The following RSF1 variants were observed in gnomAD, a reference collection of about 807,000 sequenced individuals.
RSF1 encodes the protein HBV pX-associated protein 8.
A neutral mutation model predicts 145.2 loss-of-function variants in RSF1; 13 were observed. The ratio of observed to expected loss-of-function variants is 0.09; its 90% CI spans 0.06 to 0.14. The LOEUF (loss-of-function observed/expected upper bound fraction) is 0.14. RSF1 is among the 10% of genes least tolerant of loss of function. RSF1 has a pLI of 1.00. For missense variants in RSF1, 1,517 were observed against 1,718.2 expected (o/e 0.88, Z 2.07); for synonymous variants, 577 against 592.6 (o/e 0.97, Z 0.38).
At chr11:77,796,383 C>T (rs1202166600) in intron 1 of RSF1, among the ~76,000 whole-genome samples, 2 of 152,170 alleles carry the variant, frequency 1.3e-5, no homozygotes, top group African/African-American at 4.8e-5. Flanking sequence ...CGTAATTCAT[C>T]ACATAAACAG....
intron 4 of RSF1, among the ~76,000 whole-genome samples, chr11:77,732,662 CAGG>C (rs1370580133): frequency 6.6e-6 from 1 of 152,166 alleles, no homozygotes; most frequent in Non-Finnish European, 1.5e-5. Flanking sequence ...GTTTTAAAAA[CAGG>C]AGTTCCCTGC....
chr11:77,795,903 T>A (rs567221273), intron 1 of RSF1, among the ~76,000 whole-genome samples: 2 of 152,334 alleles, frequency 1.3e-5, no homozygotes, highest in African/African-American at 4.8e-5. Flanking sequence ...GAACTTGTTA[T>A]TGGTTTCCTC....
chr11:77,787,783 T>C (rs543436502), intron 1 of RSF1, among the ~76,000 whole-genome samples: 2 of 150,098 alleles, frequency 1.3e-5, no homozygotes, highest in South Asian at 2.1e-4. Flanking sequence ...ATTCAGAGTT[T>C]AGTATCTACT....
intron 2 of RSF1, among the ~76,000 whole-genome samples, chr11:77,749,320 T>TA (rs992026199): frequency 1.3e-5 from 2 of 151,940 alleles, no homozygotes; most frequent in East Asian, 1.9e-4. Context: ...ATCTCAAATT[T>TA]AAAAAAAAGA....
upstream of RSF1, among the ~76,000 whole-genome samples, chr11:77,822,670 G>A (rs1015338872): frequency 6.6e-6 from 1 of 152,134 alleles, no homozygotes; most frequent in South Asian, 2.1e-4. Flanking sequence ...ATTCTATATT[G>A]TAAGAAGAAT....
At chr11:77,709,650 C>T (rs1406212749) in intron 5 of RSF1, among the ~76,000 whole-genome samples, 1 of 152,058 alleles carries the variant, frequency 6.6e-6, no homozygotes, top group Non-Finnish European at 1.5e-5. Flanking sequence ...AAGCTGCCTG[C>T]ACCATTTTGC....
chr11:77,674,923 C>T (rs3781617), intron 14 of RSF1, 113 bp downstream of exon 14: 92,789 of 776,498 alleles, frequency 0.12, 6,193 homozygotes, highest in Admixed American at 0.21. Flanking sequence ...CGCTTGAACC[C>T]GGGACACAGA....
the RSF1 span, among the ~76,000 whole-genome samples, chr11:77,847,337 C>G: frequency 5.3e-5 from 8 of 152,196 alleles, no homozygotes; most frequent in African/African-American, 1.9e-4. Context: ...TTTAAGGAAA[C>G]TTTGTAGGTT....
At chr11:77,673,383 A>T (rs1261160146) in intron 14 of RSF1, among the ~76,000 whole-genome samples, 1 of 152,208 alleles carries the variant, frequency 6.6e-6, no homozygotes, top group Admixed American at 6.5e-5. Context: ...GTTAAATTCC[A>T]CCGAAGTACG....
chr11:77,780,717 C>T (rs545640093), intron 1 of RSF1, among the ~76,000 whole-genome samples: 4 of 149,432 alleles, frequency 2.7e-5, no homozygotes, highest in African/African-American at 7.4e-5. Context: ...CCCTGCTACT[C>T]GGGAGGCTGA....
At chr11:77,720,396 T>C (rs1960916066) in intron 5 of RSF1, among the ~76,000 whole-genome samples, 5 of 152,206 alleles carry the variant, frequency 3.3e-5, no homozygotes, top group Admixed American at 3.3e-4. Flanking sequence ...TAAATTAGAA[T>C]ACAGTATCCA....
upstream of RSF1, among the ~76,000 whole-genome samples, chr11:77,824,613 C>A (rs1208072899): frequency 2.0e-5 from 3 of 152,056 alleles, no homozygotes; most frequent in Non-Finnish European, 4.4e-5. Context: ...TAAAAGAAGG[C>A]AGACACAAAA....
the RSF1 span, among the ~76,000 whole-genome samples, chr11:77,855,960 A>G: frequency 2.0e-5 from 3 of 152,016 alleles, no homozygotes; most frequent in African/African-American, 7.2e-5. Context: ...TCTAGCAAAA[A>G]CACACAAATT....
rs1299603579 is a variant in RSF1, at chr11:77,663,798, T to C, written c.*3119A>G. 6.6e-6 allele frequency: 1 copy of C among 152,242 alleles called. No homozygotes were observed. Among genetic ancestry groups the C allele is most frequent in the African/African-American group, 2.4e-5 (1 of 41,468 alleles). The allele number at this position is 152,242 out of a possible 1,614,324, so 9.4% of individuals were successfully genotyped here. A position where few individuals can be genotyped will look rare whatever the true frequency, so the allele number is the denominator to read the frequency against. On this transcript the variant is annotated 3_prime_UTR_variant, in exon 16 of 16. Transcript: ENST00000308488. ...AGCTTCTGCTGTGTGAAAAGCTGAC[T>C]AGTTTTCAAACCTTTTCAGAAATTG...
chr11:77,777,657 A>G (rs1349906310), intron 1 of RSF1, among the ~76,000 whole-genome samples: 1 of 152,098 alleles, frequency 6.6e-6, no homozygotes, highest in Non-Finnish European at 1.5e-5. Flanking sequence ...GAAAGCTGAG[A>G]CCTTAATGAC....
the RSF1 span, chr11:77,850,719 AGTT>A: frequency 6.6e-6 from 1 of 152,002 alleles, no homozygotes; most frequent in Non-Finnish European, 1.5e-5. Context: ...TAAATCCTCA[AGTT>A]GTTAACATTT....
rs759507520 is a variant in RSF1 at position 77,701,680 on chromosome 11, T to A, written c.1549A>T (p.Ile517Leu). The change falls in exon 6 of 16, where the codon ATA becomes TTA. Residue 517 changes from isoleucine to leucine, a missense_variant. Physicochemically the swap from Ile to Leu is conservative, Grantham distance 5 (BLOSUM62 2). Transcript: ENST00000308488. Reference protein sequence around the residue: ...APLRKDADSSISVLEIHSQKA... With the variant: ...APLRKDADSSLSVLEIHSQKA... ...TGACTATGGATCTCTAAGACTGATA[T>A]TGAACTATCTGCATCTTTCCTCAAA... The A allele has an allele frequency of 4.3e-6, 7 of 1,613,952 alleles. No individual in the cohort carries two copies. The highest frequency in any genetic ancestry group is 5.9e-6 in the Non-Finnish European group (7 of 1,179,996).
At chr11:77,699,050 A>G (rs1055801268) in intron 6 of RSF1, among the ~76,000 whole-genome samples, 6 of 152,204 alleles carry the variant, frequency 3.9e-5, no homozygotes, top group African/African-American at 1.4e-4. Context: ...ACTTTCGTCA[A>G]CAATGTACTG....
Position 77,667,053 on chromosome 11 carries a change from T to C in RSF1, c.4190A>G (p.Asn1397Ser). Reference protein sequence around the residue: ...PTEKSQTPKDNSTASASLASN... With the variant: ...PTEKSQTPKDSSTASASLASN... Reference sequence around the variant, plus strand: ...GGCTAGGCTTGCACTGGCTGTGCTGTTGTCCTTGGGGGTCTGAGACTTCTC... The same window carrying C: ...GGCTAGGCTTGCACTGGCTGTGCTGCTGTCCTTGGGGGTCTGAGACTTCTC... Residue 1397 changes from asparagine (N) to serine (S), a missense_variant, in exon 16 of 16, where the codon AAC becomes AGC. Transcript: ENST00000308488. 1.2e-6 allele frequency: 2 copies of C among 1,614,118 alleles called. No individual in the cohort carries two copies. Among genetic ancestry groups the C allele is most frequent in the Non-Finnish European group, 1.7e-6 (2 of 1,179,952 alleles).
Sources: allele counts gnomAD v4.1 joint callset (sites outside exome capture counted in the v4.1 genomes callset), GRCh38; gene constraint gnomAD v4.1.1; transcripts MANE v1.5; gene names NCBI Gene and HGNC (gene_info 2026-07-23, HGNC 2026-07-21).